HSF5: variants seen among roughly 807,000 people sequenced by gnomAD.
The protein encoded by HSF5 is heat shock transcription factor 5.
HSF5 carries 5 observed loss-of-function variants against 50.8 expected under a neutral mutation model. The ratio of observed to expected loss-of-function variants is 0.10; its 90% CI spans 0.05 to 0.21. HSF5 has a LOEUF of 0.21. Ranked by LOEUF, HSF5 falls within the 10% of genes least tolerant of loss-of-function variation. HSF5 has a pLI of 1.00. For synonymous variants in HSF5, 307 were observed against 307.4 expected, an observed-to-expected ratio of 1.00 and a Z score of 0.02; for missense variants, 564 against 762.6, an observed-to-expected ratio of 0.74 and a Z score of 3.07.
Position 58,463,014 on chromosome 17 carries a change from G to A in HSF5, c.1310C>T (p.Ser437Leu). 6.2e-7 allele frequency: 1 copy of A among 1,614,248 alleles called. No homozygotes were observed. Among genetic ancestry groups the A allele is most frequent in the East Asian group, 2.2e-5 (1 of 44,892 alleles). ...TCCAACCACAAAAGACATAATATCT[G>A]AGCCTACAGGAGTAAGTGGCTCCAG... ...SQLEPLTPVG[S>L]DIMSFVVGTE... Residue 437 changes from serine to leucine, a missense_variant, in exon 4 of 6, where the codon TCA becomes TTA. Transcript: ENST00000323777.
intron 5 of HSF5, among the ~76,000 whole-genome samples, chr17:58,457,687 T>C (rs1279504291): frequency 3.3e-5 from 5 of 152,230 alleles, no homozygotes; most frequent in Admixed American, 1.3e-4. Flanking sequence ...AAAATGACAA[T>C]GCCACTTCCA....
In HSF5 at chr17:58,488,065, C is replaced by T. The variant is rs756097613; in HGVS notation, c.210G>A (p.Glu70=). The T allele has an allele frequency of 1.3e-6, 2 of 1,593,150 alleles. No homozygotes were observed. Among genetic ancestry groups the T allele is most frequent in the Non-Finnish European group, 1.7e-6 (2 of 1,173,972 alleles). The change falls in exon 1 of 6, where the codon GAG becomes GAA. Residue 70 remains glutamate (E), a synonymous_variant. Transcript: ENST00000323777. The surrounding 1 kb of genome is among the most constrained non-coding windows in gnomAD (Gnocchi z 4.1). The part of the protein sequence containing the change: ...GGTAGAGAEP[E]LFKTTSFTSF... ...TGGTGAAGCTGGTGGTTTTGAAGAG[C>T]TCGGGCTCGGCCCCGGCCCCCGCAG...
chr17:58,429,137 G>C (rs1383046197), intron 5 of HSF5, among the ~76,000 whole-genome samples: 1 of 152,180 alleles, frequency 6.6e-6, no homozygotes, highest in Non-Finnish European at 1.5e-5. Flanking sequence ...AAGTAAGTTA[G>C]ACACAAATGT....
At chr17:58,465,182 CTTTTT>C (rs529950180) in intron 3 of HSF5, among the ~76,000 whole-genome samples, 1 of 69,340 alleles carries the variant, frequency 1.4e-5, no homozygotes, top group Non-Finnish European at 2.6e-5. Flanking sequence ...TATTTCTTTT[CTTTTT>C]TTTTTTTTTT....
chr17:58,431,545 C>T (rs576545022), intron 5 of HSF5, among the ~76,000 whole-genome samples: 1 of 152,222 alleles, frequency 6.6e-6, no homozygotes, highest in South Asian at 2.1e-4. Flanking sequence ...TGTCATTATG[C>T]CGTGCATGAC....
At chr17:58,487,520 G>A (rs915619474) in intron 1 of HSF5, among the ~76,000 whole-genome samples, 15 of 152,258 alleles carry the variant, frequency 9.9e-5, no homozygotes, top group African/African-American at 3.4e-4. Flanking sequence ...CTCCAGGGGA[G>A]GGCCGGTGGC....
chr17:58,454,894 A>G (rs533170607), intron 5 of HSF5, among the ~76,000 whole-genome samples: 1 of 152,360 alleles, frequency 6.6e-6, no homozygotes, highest in South Asian at 2.1e-4. Flanking sequence ...TAAAATGTCC[A>G]TATTACCCAA....
Position 58,479,942 on chromosome 17 carries a change from G to A in HSF5, c.876C>T (p.Tyr292=). ...ACTGTGCTGAGGGTGTGTAGTTACT[G>A]TATTTTTGGGAGGAGCTGACCATTG... ...PQTMVSSSQK[Y]SNYTPSAQYS... The change falls in exon 2 of 6, where the codon TAC becomes TAT. Residue 292 remains tyrosine, a synonymous_variant. Coordinates refer to ENST00000323777, the MANE Select transcript of HSF5 (RefSeq NM_001080439.3). The A allele has an allele frequency of 6.2e-7, 1 of 1,614,044 alleles. No homozygotes were observed. Among genetic ancestry groups the A allele is most frequent in the Non-Finnish European group, 8.5e-7 (1 of 1,179,964 alleles).
intron 2 of HSF5, among the ~76,000 whole-genome samples, chr17:58,470,042 C>A (rs76418639): frequency 0.016 from 2,398 of 152,136 alleles, 119 homozygotes; most frequent in East Asian, 0.12. Context: ...TGAGAAAATA[C>A]CCAATAATAT....
At chr17:58,476,720 T>G in intron 2 of HSF5, 2 of 1,593,116 alleles carry the variant, frequency 1.3e-6, no homozygotes, top group Non-Finnish European at 1.7e-6. Flanking sequence ...TGTGGGATTT[T>G]GGCGATCAAT....
chr17:58,426,137 A>G lies in HSF5; in HGVS notation c.1721-3707T>C, dbSNP rs549707970. ...GAAAGCAGAGTAGTAATTATTGATAAGGACAAAGGAAATGACTGTTAAAGC... is the reference window on the plus strand; with the variant it reads ...GAAAGCAGAGTAGTAATTATTGATAGGGACAAAGGAAATGACTGTTAAAGC... On this transcript the variant is annotated intron_variant, in intron 5 of 5. Coordinates refer to ENST00000323777, the MANE Select transcript of HSF5 (RefSeq NM_001080439.3). Among the ~76,000 whole-genome samples the G allele has an allele frequency of 8.5e-5, 13 of 152,330 alleles. 1 individual carries two copies. The highest frequency in any genetic ancestry group is 8.5e-4 in the Admixed American group (13 of 15,310).
At chr17:58,434,006 C>A (rs554853291) in intron 5 of HSF5, among the ~76,000 whole-genome samples, 5 of 148,382 alleles carry the variant, frequency 3.4e-5, no homozygotes, top group African/African-American at 1.2e-4. Context: ...CTCCGCCTCC[C>A]GGATTCAATT....
chr17:58,451,554 T>C (rs932232743), intron 5 of HSF5, among the ~76,000 whole-genome samples: 1 of 152,112 alleles, frequency 6.6e-6, no homozygotes, highest in African/African-American at 2.4e-5. Flanking sequence ...ACTGTTCAAA[T>C]ACGTGGAAAT....
rs1445508095 is a variant in HSF5 at position 58,488,391 on chromosome 17, C to T, written c.-117G>A. ...CTGCCGGCGCCCATCCGCCGCGTAC[C>T]AGGGACCGTTGGCGCACGAGGCCCC... On this transcript the variant is annotated 5_prime_UTR_variant, in exon 1 of 6. Transcript: ENST00000323777. This position sits in a 1 kb window ranked among gnomAD's most constrained non-coding sequence, Gnocchi z 4.1. 1.5e-6 allele frequency: 2 copies of T among 1,305,960 alleles called. No homozygotes were observed. The highest frequency in any genetic ancestry group is 3.2e-5 in the East Asian group (1 of 31,700). The allele number at this position is 1,305,960 out of a possible 1,614,324, so 80.9% of individuals were successfully genotyped here. A position where few individuals can be genotyped will look rare whatever the true frequency, so the allele number is the denominator to read the frequency against.
At chr17:58,477,546 G>A (rs978871715) in intron 2 of HSF5, among the ~76,000 whole-genome samples, 12 of 149,404 alleles carry the variant, frequency 8.0e-5, no homozygotes, top group Non-Finnish European at 5.9e-5. Context: ...TGCAAGTTCC[G>A]CTTCCTGGGT....
At chr17:58,458,289 T>C (rs1327267286) in intron 5 of HSF5, among the ~76,000 whole-genome samples, 1 of 152,236 alleles carries the variant, frequency 6.6e-6, no homozygotes, top group Non-Finnish European at 1.5e-5. Flanking sequence ...AAACCATTCA[T>C]TGGTATAGGG....
intron 1 of HSF5, among the ~76,000 whole-genome samples, chr17:58,482,306 A>G (rs1975108684): frequency 1.3e-5 from 2 of 152,056 alleles, no homozygotes; most frequent in South Asian, 4.1e-4. Flanking sequence ...AAAGTACAAA[A>G]AATAAAATAG....
In HSF5 at chr17:58,488,113, G is replaced by C; in HGVS notation, c.162C>G (p.Pro54=). The C allele has an allele frequency of 6.6e-7, 1 of 1,518,196 alleles. No homozygotes were observed. The highest frequency in any genetic ancestry group is 8.8e-7 in the Non-Finnish European group (1 of 1,134,596). 94.0% of individuals were successfully genotyped at this position (1,518,196 alleles called of 1,614,324 possible). ...PLFEAELLSP[P]GPGGGGGTAG... is the part of the protein sequence containing the mutation. ...CAGTCCCGCCACCGCCCCCCGGCCCGGGCGGGCTGAGCAGCTCGGCCTCGA... is the reference window on the plus strand; with the variant it reads ...CAGTCCCGCCACCGCCCCCCGGCCCCGGCGGGCTGAGCAGCTCGGCCTCGA... Residue 54 remains proline, a synonymous_variant, in exon 1 of 6, where the codon CCC becomes CCG. Coordinates refer to ENST00000323777, the MANE Select transcript of HSF5 (RefSeq NM_001080439.3). This position sits in a 1 kb window ranked among gnomAD's most constrained non-coding sequence, Gnocchi z 4.1.
rs375124476 is a variant in HSF5, at chr17:58,462,787, G to A, written c.1537C>T (p.His513Tyr). The A allele has an allele frequency of 2.3e-5, 37 of 1,599,218 alleles. No individual in the cohort carries two copies. Among genetic ancestry groups the A allele is most frequent in the Non-Finnish European group, 3.2e-5 (37 of 1,173,072 alleles). The change falls in exon 4 of 6, where the codon CAC becomes TAC. Residue 513 changes from histidine to tyrosine, a missense_variant. This residue lies in a region of HSF5 where 441 missense variants were observed against 533.6 expected (regional missense o/e 0.83). Transcript: ENST00000323777. ...FVQEGPPFST[H>Y]QVDANIKCQT... ...TTTTTTCTTTGCCCCCTTACCTGGT[G>A]TGTGCTGAATGGTGGCCCTTCCTGC...
Sources: gnomAD v4.1 joint callset for allele counts (sites outside exome capture counted in the v4.1 genomes callset) on GRCh38, gnomAD v4.1.1 for gene constraint, gnomAD v4.1.1 regional missense constraint, Gnocchi (gnomAD v3.1) non-coding constraint, MANE v1.5 for transcripts, NCBI Gene and HGNC (gene_info 2026-07-23, HGNC 2026-07-21) for gene names.